Variants in FMN1 observed in about 807,000 individuals in gnomAD.
FMN1 encodes formin 1, also known as formin-1.
Under a neutral mutation model 132.4 loss-of-function variants are expected in FMN1, and 110 were observed. That is an observed-to-expected ratio of 0.83 (90% CI 0.71 to 0.97). The LOEUF (loss-of-function observed/expected upper bound fraction) is 0.97, where lower values mean the gene tolerates loss of function less well. Among genes scored for constraint, FMN1 ranks in the 50% least tolerant of loss-of-function variants. The pLI is 0.00. For missense variants in FMN1, 1,792 were observed against 1,705.3 expected (o/e 1.05, Z -0.90); for synonymous variants, 722 against 651.7 (o/e 1.11, Z -1.64).
At chr15:33,001,901 A>G (rs1453312600) in intron 7 of FMN1, among the ~76,000 whole-genome samples, 2 of 151,942 alleles carry the variant, frequency 1.3e-5, no homozygotes, top group Non-Finnish European at 2.9e-5. Context: ...AAAAACCCTA[A>G]GCTCCCCCAC....
intron 4 of FMN1, among the ~76,000 whole-genome samples, chr15:33,104,079 A>G (rs1301935366): frequency 6.6e-6 from 1 of 152,160 alleles, no homozygotes; most frequent in Non-Finnish European, 1.5e-5. Flanking sequence ...AATTGAGTTC[A>G]TCATATATTT....
chr15:33,150,070 C>G, intron 4 of FMN1: 1 of 985,400 alleles, frequency 1.0e-6, no homozygotes, highest in Non-Finnish European at 1.2e-6. Flanking sequence ...ACATCAGTGA[C>G]TTCAGTCAAA....
Position 32,898,893 on chromosome 15 carries a change from C to A in FMN1, c.3655G>T (p.Asp1219Tyr). 1 of 1,581,578 alleles carries A rather than the reference C, an allele frequency of 6.3e-7. No homozygotes were observed. Among genetic ancestry groups the A allele is most frequent in the Non-Finnish European group, 8.7e-7 (1 of 1,152,992 alleles). Residue 1219 changes from aspartate (D) to tyrosine (Y), a missense_variant and splice_region_variant, in exon 15 of 21, where the codon GAT (aspartate) becomes TAT (tyrosine). Coordinates refer to ENST00000616417, the MANE Select transcript of FMN1 (RefSeq NM_001277313.2). Reference sequence around the variant, plus strand: ...TAGTCCACCAGATTAATCCCATTATCCTAGGTTTAAAAGAGAAATGTACAT... The same window carrying A: ...TAGTCCACCAGATTAATCCCATTATACTAGGTTTAAAAGAGAAATGTACAT... ...LPKLKDVKSR[D>Y]NGINLVDYVV...
At chr15:33,118,111 G>A (rs549700535) in intron 4 of FMN1, among the ~76,000 whole-genome samples, 32 of 152,282 alleles carry the variant, frequency 2.1e-4, no homozygotes, top group African/African-American at 2.6e-4. Flanking sequence ...GTAAATACAT[G>A]TGCATGTATC....
chr15:33,156,530 TC>T (rs1451271565), intron 3 of FMN1, among the ~76,000 whole-genome samples: 1 of 151,892 alleles, frequency 6.6e-6, no homozygotes, highest in Admixed American at 6.6e-5. Context: ...ACTCAAGCGA[TC>T]CTCCCACTTC....
At chr15:32,998,679 C>T (rs995532376) in intron 7 of FMN1, among the ~76,000 whole-genome samples, 1 of 152,066 alleles carries the variant, frequency 6.6e-6, no homozygotes, top group East Asian at 1.9e-4. Context: ...CAGCAGTAGC[C>T]CGTCACCTAA....
intron 17 of FMN1, among the ~76,000 whole-genome samples, chr15:32,848,581 T>A (rs1040578874): frequency 1.3e-5 from 2 of 152,182 alleles, no homozygotes; most frequent in Admixed American, 1.3e-4. Context: ...GTAATGAGAC[T>A]GTGAGTAAGA....
chr15:33,100,570 A>G (rs2141412486), intron 4 of FMN1, among the ~76,000 whole-genome samples: 1 of 152,328 alleles, frequency 6.6e-6, no homozygotes, highest in East Asian at 1.9e-4. Context: ...AAGCAGTTGC[A>G]GCAACAGAGG....
chr15:33,018,548 G>A (rs561432903), intron 6 of FMN1, among the ~76,000 whole-genome samples: 13 of 152,330 alleles, frequency 8.5e-5, no homozygotes, highest in African/African-American at 3.1e-4. Context: ...AAGGTTCCCA[G>A]AGGGTGGTGC....
intron 6 of FMN1, among the ~76,000 whole-genome samples, chr15:33,043,626 T>C (rs1382121564): frequency 6.6e-6 from 1 of 152,232 alleles, no homozygotes; most frequent in Non-Finnish European, 1.5e-5. Context: ...GGATAAAAAG[T>C]GGCACCCAGG....
chr15:33,123,648 A>G (rs1195648390), intron 4 of FMN1, among the ~76,000 whole-genome samples: 1 of 152,232 alleles, frequency 6.6e-6, no homozygotes, highest in Non-Finnish European at 1.5e-5. Flanking sequence ...GCTATTTTAT[A>G]GAATGCATGT....
chr15:32,856,249 C>T (rs1338619076), intron 17 of FMN1, among the ~76,000 whole-genome samples: 2 of 152,172 alleles, frequency 1.3e-5, no homozygotes, highest in African/African-American at 2.4e-5. Flanking sequence ...TGTGTGTTTC[C>T]TCTAGCTTTC....
rs561627494 is a variant in FMN1, at chr15:32,972,246, C to G, written c.2224-2769G>C. 3.7e-4 allele frequency among the ~76,000 whole-genome samples: 57 copies of G among 152,262 alleles called. No homozygotes were observed. In the South Asian group the frequency reaches 0.011, roughly 29 times the overall value. On this transcript the variant is annotated intron_variant, in intron 7 of 20. Transcript: ENST00000616417. The stretch of plus-strand genomic sequence containing the variant: ...TTGCTCTTGGCTCTGGGTACGCTTC[C>G]CAGCCCCATGCCCTCTACTGTCTAC...
chr15:32,866,348 T>C (rs2059393399), intron 16 of FMN1, among the ~76,000 whole-genome samples: 1 of 152,194 alleles, frequency 6.6e-6, no homozygotes, highest in Non-Finnish European at 1.5e-5. Flanking sequence ...ATCTGACTCT[T>C]AGTTTCTTGA....
chr15:32,825,957 C>T (rs1242494017), intron 17 of FMN1, among the ~76,000 whole-genome samples: 1 of 152,162 alleles, frequency 6.6e-6, no homozygotes, highest in Non-Finnish European at 1.5e-5. Flanking sequence ...AATCAGTGTG[C>T]GAGATGTTGT....
intron 6 of FMN1, among the ~76,000 whole-genome samples, chr15:33,056,053 A>C (rs2037201862): frequency 6.6e-6 from 1 of 152,192 alleles, no homozygotes; most frequent in Non-Finnish European, 1.5e-5. Context: ...AAACACACCA[A>C]ATGACAAGAA....
chr15:33,171,682 A>C (rs912434491), intron 3 of FMN1, among the ~76,000 whole-genome samples: 1 of 152,132 alleles, frequency 6.6e-6, no homozygotes, highest in Non-Finnish European at 1.5e-5. Context: ...AGGATACAAC[A>C]TTTCCCTATT....
intron 17 of FMN1, among the ~76,000 whole-genome samples, chr15:32,828,795 A>G (rs1178464330): frequency 6.6e-6 from 1 of 152,228 alleles, no homozygotes; most frequent in Non-Finnish European, 1.5e-5. Context: ...AATAGAAAGC[A>G]TACATTCCGA....
At chr15:32,880,545 T>G (rs956632012) in intron 16 of FMN1, among the ~76,000 whole-genome samples, 2 of 152,180 alleles carry the variant, frequency 1.3e-5, no homozygotes, top group African/African-American at 4.8e-5. Flanking sequence ...TCCACTGAAT[T>G]TTTATTTCCT....
Sources: allele counts gnomAD v4.1 joint callset (sites outside exome capture counted in the v4.1 genomes callset), GRCh38; gene constraint gnomAD v4.1.1; transcripts MANE v1.5; gene names NCBI Gene and HGNC (gene_info 2026-07-23, HGNC 2026-07-21).